CTNNA1: variants seen among roughly 807,000 people sequenced by gnomAD.
CTNNA1 encodes catenin alpha 1, also known as catenin alpha-1.
CTNNA1 carries 37 observed loss-of-function variants against 98.4 expected under a neutral mutation model. That is an observed-to-expected ratio of 0.38 (90% CI 0.29 to 0.49). CTNNA1 has a LOEUF of 0.49. Among genes scored for constraint, CTNNA1 ranks in the 20% least tolerant of loss-of-function variants. CTNNA1 has a pLI of 0.95. For missense variants in CTNNA1, 761 were observed against 1,147.2 expected, an observed-to-expected ratio of 0.66 and a Z score of 4.86; for synonymous variants, 404 against 413.2, an observed-to-expected ratio of 0.98 and a Z score of 0.27.
At chr5:138,905,111 A>AATACATACATACATGC (rs1554105204) in intron 10 of CTNNA1, among the ~76,000 whole-genome samples, 4 of 139,270 alleles carry the variant, frequency 2.9e-5, no homozygotes, top group Non-Finnish European at 6.0e-5. Context: ...AAAAAAAAAA[A>AATACATACATACATGC]ATACATACAT....
At chr5:138,757,873 G>A (rs1561491364) in intron 1 of CTNNA1, among the ~76,000 whole-genome samples, 1 of 152,118 alleles carries the variant, frequency 6.6e-6, no homozygotes, top group Non-Finnish European at 1.5e-5. Context: ...ATTATGGAGG[G>A]CCTCCAATAA....
intron 3 of CTNNA1, among the ~76,000 whole-genome samples, chr5:138,793,901 C>G (rs1420836883): frequency 6.6e-6 from 1 of 151,980 alleles, no homozygotes; most frequent in Admixed American, 6.6e-5. Flanking sequence ...TTTCCTTACC[C>G]TCAGGGGATG....
chr5:138,771,124 T>C (rs1325179136), intron 1 of CTNNA1, among the ~76,000 whole-genome samples: 3 of 152,064 alleles, frequency 2.0e-5, no homozygotes, highest in African/African-American at 7.2e-5. Flanking sequence ...GGCAGGGTTC[T>C]TTTTTTCTTG....
intron 1 of CTNNA1, among the ~76,000 whole-genome samples, chr5:138,765,947 C>CAAA (rs1026779147): frequency 1.7e-4 from 8 of 48,462 alleles, no homozygotes; most frequent in East Asian, 1.2e-3. Context: ...GACTCTGTCT[C>CAAA]AAAAAAAAAA....
chr5:138,901,762 C>T (rs755271947), intron 9 of CTNNA1, among the ~76,000 whole-genome samples: 3 of 152,102 alleles, frequency 2.0e-5, no homozygotes, highest in Non-Finnish European at 4.4e-5. Flanking sequence ...TTAATAGTTA[C>T]GTCATTCTAG....
rs1765961902 is a variant in CTNNA1, at chr5:138,933,786, C to CCTGT, written c.2434-12_2434-9dup. 1 of 1,609,764 alleles carries CCTGT rather than the reference C, an allele frequency of 6.2e-7. No individual in the cohort carries two copies. The highest frequency in any genetic ancestry group is 1.3e-5 in the African/African-American group (1 of 74,864). On this transcript the variant is annotated splice_polypyrimidine_tract_variant and intron_variant, in intron 17 of 17. Transcript: ENST00000302763. ...GGTCAGGCCGGTGCTTCTTACCACCCCTGTCTGCCTCGTAGGTGGACAGCG... is the reference window on the plus strand; with the variant it reads ...GGTCAGGCCGGTGCTTCTTACCACCCCTGTCTGTCTGCCTCGTAGGTGGACAGCG...
chr5:138,793,061 A>G (rs1379849480), intron 3 of CTNNA1, among the ~76,000 whole-genome samples: 1 of 152,182 alleles, frequency 6.6e-6, no homozygotes, highest in Admixed American at 6.5e-5. Flanking sequence ...TCCCACTCCA[A>G]TTCATACCTT....
chr5:138,789,915 AT>A (rs1001627751), intron 3 of CTNNA1, among the ~76,000 whole-genome samples: 1 of 152,112 alleles, frequency 6.6e-6, no homozygotes, highest in African/African-American at 2.4e-5. Flanking sequence ...GTTTGTGTTT[AT>A]TTTAAAAGCT....
chr5:138,799,902 A>G (rs60144355), intron 3 of CTNNA1, among the ~76,000 whole-genome samples: 1 of 115,382 alleles, frequency 8.7e-6, no homozygotes, highest in Admixed American at 9.4e-5. Context: ...GTGTGTGTGT[A>G]TGTGTGTATT....
chr5:138,916,867 T>A (rs1395509435), intron 10 of CTNNA1, among the ~76,000 whole-genome samples: 1 of 152,114 alleles, frequency 6.6e-6, no homozygotes, highest in Non-Finnish European at 1.5e-5. Flanking sequence ...CTCCACCTCC[T>A]GGGTTCAAGT....
In CTNNA1 at chr5:138,846,317, C is replaced by T. The variant is rs1374448463; in HGVS notation, c.1062+18599C>T. Among the ~76,000 whole-genome samples, 3 of 152,126 alleles carry T rather than the reference C, an allele frequency of 2.0e-5. No homozygotes were observed. The South Asian group carries it at 6.2e-4, about 32-fold the overall frequency. ...AAAATTGACTGTAGTAATGGTTGTA[C>T]ATATCTGTGAATAAACCAAAAAAAC... On this transcript the variant is annotated intron_variant, in intron 7 of 17. Coordinates refer to ENST00000302763, the MANE Select transcript of CTNNA1 (RefSeq NM_001903.5).
chr5:138,908,869 G>A (rs1759919181), intron 10 of CTNNA1, among the ~76,000 whole-genome samples: 1 of 152,032 alleles, frequency 6.6e-6, no homozygotes, highest in African/African-American at 2.4e-5. Flanking sequence ...CTCCATCCGA[G>A]CAGAGCGCCC....
intron 7 of CTNNA1, among the ~76,000 whole-genome samples, chr5:138,833,058 C>T (rs1225771890): frequency 6.6e-6 from 1 of 152,148 alleles, no homozygotes; most frequent in Non-Finnish European, 1.5e-5. Flanking sequence ...CTAAACTTGT[C>T]TCTGTTACCA....
At chr5:138,900,226 G>A (rs538045483) in intron 9 of CTNNA1, among the ~76,000 whole-genome samples, 2 of 152,338 alleles carry the variant, frequency 1.3e-5, no homozygotes, top group East Asian at 3.9e-4. Flanking sequence ...AAACTCGGGT[G>A]CTAGCTTGGC....
At chr5:138,896,851 T>C (rs1395588628) in intron 9 of CTNNA1, among the ~76,000 whole-genome samples, 2 of 152,204 alleles carry the variant, frequency 1.3e-5, no homozygotes, top group African/African-American at 2.4e-5. Context: ...ATCAGAAATA[T>C]TAACCTTTTT....
intron 7 of CTNNA1, among the ~76,000 whole-genome samples, chr5:138,882,868 A>T (rs532321617): frequency 6.6e-6 from 1 of 152,278 alleles, no homozygotes; most frequent in East Asian, 1.9e-4. Context: ...TCGCTTTGTC[A>T]CCCAGGCTGG....
chr5:138,877,280 C>CT (rs1318976048), intron 7 of CTNNA1, among the ~76,000 whole-genome samples: 1 of 152,160 alleles, frequency 6.6e-6, no homozygotes. Flanking sequence ...GTTCCATAAA[C>CT]TGTCTTGTGA....
intron 7 of CTNNA1, among the ~76,000 whole-genome samples, chr5:138,863,043 C>G (rs371313619): frequency 6.6e-6 from 1 of 152,042 alleles, no homozygotes; most frequent in African/African-American, 2.4e-5. Context: ...GTCAAAGGCC[C>G]AAGGTACATA....
At chr5:138,925,497 C>T (rs1158314919) in intron 13 of CTNNA1, 90 bp downstream of exon 13, 36 of 1,478,760 alleles carry the variant, frequency 2.4e-5, no homozygotes, top group Non-Finnish European at 3.3e-5. Flanking sequence ...TCGGCAGATG[C>T]GGTGGCAGTA....
Sources: gnomAD v4.1 joint callset for allele counts (sites outside exome capture counted in the v4.1 genomes callset) on GRCh38, gnomAD v4.1.1 for gene constraint, MANE v1.5 for transcripts, NCBI Gene and HGNC (gene_info 2026-07-23, HGNC 2026-07-21) for gene names.